Variants in CNBD1 observed in about 807,000 individuals in gnomAD.
CNBD1 encodes the protein cyclic nucleotide binding domain containing 1.
Under a neutral mutation model 54.4 loss-of-function variants are expected in CNBD1, and 71 were observed. The ratio of observed to expected loss-of-function variants is 1.30; its 90% CI spans 1.08 to 1.59. The LOEUF (loss-of-function observed/expected upper bound fraction) is 1.59, where lower values mean the gene tolerates loss of function less well. Ranked by LOEUF, CNBD1 falls within the 40% of genes most tolerant of loss-of-function variation. The pLI is 0.00. For synonymous variants in CNBD1, 182 were observed against 170.7 expected (o/e 1.07, Z -0.51); for missense variants, 659 against 518.0 (o/e 1.27, Z -2.64).
intron 2 of CNBD1, among the ~76,000 whole-genome samples, chr8:86,893,059 G>C (rs1808796400): frequency 6.6e-6 from 1 of 152,114 alleles, no homozygotes; most frequent in South Asian, 2.1e-4. Context: ...CTGGAATGAA[G>C]CCATTTTTTA....
At chr8:87,373,131 A>T (rs1052429314) in intron 10 of CNBD1, among the ~76,000 whole-genome samples, 2 of 151,746 alleles carry the variant, frequency 1.3e-5, no homozygotes, top group Non-Finnish European at 2.9e-5. Context: ...ATATTTTTAA[A>T]TTGGAAGTTG....
chr8:86,939,562 A>G (rs374576619), intron 3 of CNBD1, 34 bp from the exon 4 acceptor site: 94 of 1,492,554 alleles, frequency 6.3e-5, no homozygotes, highest in Middle Eastern at 5.3e-4. Flanking sequence ...TATGCAGTAT[A>G]CAACAGCATA....
At chr8:87,332,483 G>T (rs1034867950) in intron 8 of CNBD1, among the ~76,000 whole-genome samples, 1 of 152,096 alleles carries the variant, frequency 6.6e-6, no homozygotes, top group African/African-American at 2.4e-5. Flanking sequence ...GTATTGCCTA[G>T]GTTTTCTTCT....
intron 6 of CNBD1, among the ~76,000 whole-genome samples, chr8:87,246,410 T>C (rs1019690982): frequency 4.6e-5 from 7 of 152,184 alleles, no homozygotes; most frequent in Non-Finnish European, 7.4e-5. Context: ...CTTTTAAATA[T>C]AGATTTTATT....
chr8:87,107,573 T>G (rs538305611), intron 4 of CNBD1, among the ~76,000 whole-genome samples: 1 of 152,356 alleles, frequency 6.6e-6, no homozygotes, highest in South Asian at 2.1e-4. Flanking sequence ...AATTATTTTG[T>G]TTTATCTATG....
intron 8 of CNBD1, among the ~76,000 whole-genome samples, chr8:87,321,777 CA>C (rs1012360775): frequency 6.7e-6 from 1 of 149,136 alleles, no homozygotes; most frequent in African/African-American, 2.5e-5. Context: ...AGACCAATGT[CA>C]TCAGGCTTTT....
intron 10 of CNBD1, among the ~76,000 whole-genome samples, chr8:87,371,274 G>A (rs1220052076): frequency 3.9e-5 from 6 of 151,970 alleles, no homozygotes; most frequent in Admixed American, 1.3e-4. Flanking sequence ...GAAAGTCATT[G>A]GTAGCTTGAT....
intron 4 of CNBD1, among the ~76,000 whole-genome samples, chr8:87,112,462 T>C (rs1811683378): frequency 6.6e-6 from 1 of 152,178 alleles, no homozygotes; most frequent in Non-Finnish European, 1.5e-5. Flanking sequence ...GTGTGGTAGA[T>C]GAGGGTTTCT....
intron 8 of CNBD1, among the ~76,000 whole-genome samples, chr8:87,314,469 A>G (rs111634239): frequency 3.4e-4 from 52 of 152,062 alleles, no homozygotes; most frequent in African/African-American, 1.2e-3. Context: ...AACTTTCATG[A>G]TATGATAAAG....
At chr8:87,016,211 A>G (rs944049217) in intron 4 of CNBD1, among the ~76,000 whole-genome samples, 3 of 151,810 alleles carry the variant, frequency 2.0e-5, no homozygotes, top group African/African-American at 7.2e-5. Context: ...ATTTAATCTC[A>G]AAACTCTCCA....
At chr8:87,271,681 A>C (rs990410017) in intron 6 of CNBD1, among the ~76,000 whole-genome samples, 1 of 152,012 alleles carries the variant, frequency 6.6e-6, no homozygotes, top group Admixed American at 6.6e-5. Context: ...TATAGCCACT[A>C]TGGAAAACAG....
intron 4 of CNBD1, among the ~76,000 whole-genome samples, chr8:87,179,756 C>G (rs1349782876): frequency 2.0e-5 from 3 of 152,100 alleles, no homozygotes; most frequent in Non-Finnish European, 4.4e-5. Flanking sequence ...CAGATTGCAA[C>G]ATATAGGCTA....
intron 5 of CNBD1, among the ~76,000 whole-genome samples, chr8:87,208,407 A>G (rs1250167667): frequency 6.6e-6 from 1 of 151,796 alleles, no homozygotes; most frequent in Admixed American, 6.6e-5. Flanking sequence ...TTTACTGACT[A>G]TATTAATATT....
rs571230493 is a variant in CNBD1, at chr8:87,359,787, T to C, written c.1303+6001T>C. 4.6e-5 allele frequency among the ~76,000 whole-genome samples: 7 copies of C among 152,222 alleles called. No individual in the cohort carries two copies. In the South Asian group the frequency reaches 1.0e-3, roughly 23 times the overall value. On this transcript the variant is annotated intron_variant, in intron 10 of 10. Coordinates refer to ENST00000518476, the MANE Select transcript of CNBD1 (RefSeq NM_173538.3). ...AACTCAGCGTGAGCAAACTCTATGT[T>C]ATGTCATCTTGCTATCAAGTGTTAT...
chr8:87,170,603 C>T (rs954505649), intron 4 of CNBD1, among the ~76,000 whole-genome samples: 1 of 152,042 alleles, frequency 6.6e-6, no homozygotes, highest in Admixed American at 6.6e-5. Flanking sequence ...ACGTGGCTTT[C>T]ATTATGTTGA....
At position 86,951,271 on chromosome 8, in the gene CNBD1, T is replaced by A. The variant is rs554333193; in HGVS notation, c.431+11517T>A. On this transcript the variant is annotated intron_variant, in intron 4 of 10. Transcript: ENST00000518476. ...ATAATGCAACTATTCTTGATCTTTT[T>A]AGCTACATTCAGTTTTGGCAAGAAT... 6.6e-5 allele frequency among the ~76,000 whole-genome samples: 10 copies of A among 152,172 alleles called. No homozygotes were observed. In the South Asian group the frequency reaches 1.9e-3, roughly 28 times the overall value.
chr8:87,124,949 A>G (rs189952480), intron 4 of CNBD1, among the ~76,000 whole-genome samples: 92 of 151,912 alleles, frequency 6.1e-4, no homozygotes, highest in African/African-American at 1.6e-3. Context: ...TGAATTAAGT[A>G]AAGTTACAGG....
chr8:87,321,466 T>G (rs1256734726), intron 8 of CNBD1, among the ~76,000 whole-genome samples: 1 of 152,208 alleles, frequency 6.6e-6, no homozygotes, highest in Non-Finnish European at 1.5e-5. Context: ...ACATCTTTTC[T>G]TATACCTGTT....
In CNBD1 at chr8:87,409,100, T is replaced by C. The variant is rs558917814; in HGVS notation, c.214-19446T>C. On this transcript the variant is annotated intron_variant, in intron 2 of 7. Transcript: ENST00000521593. ...ATGATTAAGCTTAATGAGGAAGGCA[T>C]GTCGAAAGCTGAGAAAGGCTGAAAG... Among the ~76,000 whole-genome samples the C allele has an allele frequency of 3.9e-5, 6 of 152,286 alleles. No homozygotes were observed. The East Asian group carries it at 9.7e-4, about 25-fold the overall frequency.
Sources: gnomAD v4.1 joint callset for allele counts (sites outside exome capture counted in the v4.1 genomes callset) on GRCh38, gnomAD v4.1.1 for gene constraint, MANE v1.5 for transcripts, NCBI Gene and HGNC (gene_info 2026-07-23, HGNC 2026-07-21) for gene names.